Variants in ZNF423 observed in about 807,000 individuals in gnomAD.
ZNF423 encodes the protein zinc finger protein 423, also known as Ebf-associated zinc finger protein.
Under a neutral mutation model 95.8 loss-of-function variants are expected in ZNF423, and 12 were observed. The observed-to-expected ratio is 0.13, with a 90% CI of 0.08 to 0.20. ZNF423 has a LOEUF of 0.20. Among genes scored for constraint, ZNF423 ranks in the 10% least tolerant of loss-of-function variants. ZNF423 has a pLI of 1.00. For missense variants in ZNF423, 1,316 were observed against 1,737.1 expected (o/e 0.76, Z 4.31); for synonymous variants, 749 against 711.9 (o/e 1.05, Z -0.83).
At chr16:49,821,014 G>A (rs963442256) in intron 1 of ZNF423, among the ~76,000 whole-genome samples, 2 of 152,126 alleles carry the variant, frequency 1.3e-5, no homozygotes, top group South Asian at 4.2e-4. Flanking sequence ...CCAACCCTTG[G>A]AGCCTTGTTC....
chr16:49,856,640 T>TA (rs1214390592), upstream of ZNF423, among the ~76,000 whole-genome samples: 25 of 150,448 alleles, frequency 1.7e-4, no homozygotes, highest in African/African-American at 5.8e-4. Context: ...CGCCCCCTTC[T>TA]CTGGCTCTCG....
chr16:49,651,192 A>AT (rs1480080828), intron 3 of ZNF423, among the ~76,000 whole-genome samples: 9 of 107,028 alleles, frequency 8.4e-5, no homozygotes, highest in Non-Finnish European at 1.5e-4. Context: ...GGCTAATTTT[A>AT]ATTTTTTTTT....
At chr16:49,734,638 C>G (rs1478959780) in intron 2 of ZNF423, among the ~76,000 whole-genome samples, 1 of 152,176 alleles carries the variant, frequency 6.6e-6, no homozygotes, top group Non-Finnish European at 1.5e-5. Flanking sequence ...AGGCCCGAGC[C>G]AAATGGATTT....
intron 3 of ZNF423, among the ~76,000 whole-genome samples, chr16:49,647,903 C>T (rs1432761587): frequency 6.6e-6 from 1 of 152,048 alleles, no homozygotes; most frequent in Non-Finnish European, 1.5e-5. Flanking sequence ...AGAACAAATA[C>T]CTAAAATCAT....
At chr16:49,514,264 G>GCACATA (rs1567435639) in intron 7 of ZNF423, among the ~76,000 whole-genome samples, 4 of 96,382 alleles carry the variant, frequency 4.2e-5, no homozygotes, top group African/African-American at 1.8e-4. Flanking sequence ...ACACACACAT[G>GCACATA]CACATACACA....
chr16:49,498,927 G>A (rs921648647), intron 7 of ZNF423, among the ~76,000 whole-genome samples: 16 of 152,150 alleles, frequency 1.1e-4, no homozygotes, highest in Non-Finnish European at 2.4e-4. Flanking sequence ...AAACAGCGCC[G>A]AATGAATACT....
At chr16:49,540,134 C>G (rs1969198350) in intron 5 of ZNF423, among the ~76,000 whole-genome samples, 1 of 152,194 alleles carries the variant, frequency 6.6e-6, no homozygotes, top group South Asian at 2.1e-4. Flanking sequence ...CATGCACAGC[C>G]TCTAGAATGC....
intron 5 of ZNF423, among the ~76,000 whole-genome samples, chr16:49,578,526 G>A (rs989478455): frequency 1.3e-5 from 2 of 152,130 alleles, no homozygotes; most frequent in Admixed American, 6.5e-5. Flanking sequence ...CGCCACAGAT[G>A]AGCAGAAAAC....
chr16:49,619,144 A>G (rs1376040039), intron 5 of ZNF423, among the ~76,000 whole-genome samples: 1 of 152,162 alleles, frequency 6.6e-6, no homozygotes, highest in East Asian at 1.9e-4. Flanking sequence ...TCTTCCAGGA[A>G]GTTTTCCTGG....
chr16:49,697,878 G>C (rs2151951998), intron 3 of ZNF423, among the ~76,000 whole-genome samples: 1 of 152,390 alleles, frequency 6.6e-6, no homozygotes, highest in African/African-American at 2.4e-5. Flanking sequence ...TTGTTGGGGA[G>C]CAATGCCTTT....
intron 5 of ZNF423, among the ~76,000 whole-genome samples, chr16:49,544,058 A>C (rs1391894421): frequency 6.6e-6 from 1 of 152,238 alleles, no homozygotes; most frequent in Non-Finnish European, 1.5e-5. Flanking sequence ...CCATCCATGC[A>C]CACATCCACC....
chr16:49,706,397 G>T (rs982800368), intron 3 of ZNF423, among the ~76,000 whole-genome samples: 6 of 152,216 alleles, frequency 3.9e-5, no homozygotes, highest in Non-Finnish European at 7.3e-5. Flanking sequence ...AGACAGACAC[G>T]CTGGAAGAAT....
At chr16:49,585,419 T>C (rs552050891) in intron 5 of ZNF423, among the ~76,000 whole-genome samples, 1 of 151,906 alleles carries the variant, frequency 6.6e-6, no homozygotes, top group African/African-American at 2.4e-5. Context: ...CCCACACCCA[T>C]AGCCGCTGTA....
intron 5 of ZNF423, among the ~76,000 whole-genome samples, chr16:49,578,750 C>T (rs1028523073): frequency 7.2e-5 from 11 of 152,192 alleles, no homozygotes; most frequent in East Asian, 1.9e-4. Flanking sequence ...CCCACACTCC[C>T]GAAACCCCTC....
At chr16:49,512,323 G>A (rs1398142201) in intron 7 of ZNF423, among the ~76,000 whole-genome samples, 1 of 152,230 alleles carries the variant, frequency 6.6e-6, no homozygotes, top group East Asian at 1.9e-4. Context: ...GCAATGACTA[G>A]GGCTCACCAA....
intron 7 of ZNF423, among the ~76,000 whole-genome samples, chr16:49,494,596 C>T (rs1225920847): frequency 1.3e-5 from 2 of 152,154 alleles, no homozygotes; most frequent in Non-Finnish European, 2.9e-5. Flanking sequence ...CAAGGTCACC[C>T]GATCAGTTTG....
In ZNF423 at chr16:49,636,740, G is replaced by A. The variant is rs1326880708; in HGVS notation, c.2436C>T (p.Ser812=). ...TGCAGAACTTACAGTTATACTTCTT[G>A]CTGTGTGTGGTGATGTGGCACTGCA... ...VELQCHITTH[S]KKYNCKFCSK... Residue 812 remains serine (S), a synonymous_variant, in exon 4 of 8, where the codon AGC becomes AGT. Coordinates refer to ENST00000563137, the MANE Select transcript of ZNF423 (RefSeq NM_001379286.1). This position sits in a 1 kb window ranked among gnomAD's most constrained non-coding sequence, Gnocchi z 8.6. 6.2e-7 allele frequency: 1 copy of A among 1,614,096 alleles called. No individual in the cohort carries two copies. The highest frequency in any genetic ancestry group is 2.2e-5 in the East Asian group (1 of 44,862).
chr16:49,675,507 C>T (rs1009085901), intron 3 of ZNF423, among the ~76,000 whole-genome samples: 9 of 152,158 alleles, frequency 5.9e-5, no homozygotes, highest in African/African-American at 1.4e-4. Context: ...GAATTGGGCA[C>T]GTTAAAACTC....
At chr16:49,666,356 C>T (rs1408734251) in intron 3 of ZNF423, among the ~76,000 whole-genome samples, 1 of 152,196 alleles carries the variant, frequency 6.6e-6, no homozygotes, top group Non-Finnish European at 1.5e-5. Context: ...GGCGTAAACA[C>T]ACCTACGACA....
Sources: gnomAD v4.1 joint callset for allele counts (sites outside exome capture counted in the v4.1 genomes callset) on GRCh38, gnomAD v4.1.1 for gene constraint, Gnocchi (gnomAD v3.1) non-coding constraint, MANE v1.5 for transcripts, NCBI Gene and HGNC (gene_info 2026-07-23, HGNC 2026-07-21) for gene names.